Variants in NSD3 observed in about 807,000 individuals in gnomAD.
NSD3 encodes the protein nuclear receptor binding SET domain protein 3.
In NSD3, 24 loss-of-function variants were observed where a neutral mutation model predicts 160.8. The ratio of observed to expected loss-of-function variants is 0.15; its 90% confidence interval spans 0.11 to 0.21. NSD3 has a LOEUF of 0.21. Among genes scored for constraint, NSD3 ranks in the 10% least tolerant of loss-of-function variants. The pLI, the probability that NSD3 is intolerant of heterozygous loss-of-function variation, is 1.00. For synonymous variants in NSD3, 520 were observed against 600.0 expected, an observed-to-expected ratio of 0.87 and a Z score of 1.95; for missense variants, 1,157 against 1,735.9, an observed-to-expected ratio of 0.67 and a Z score of 5.93.
At chr8:38,278,505 C>A in intron 21 of NSD3, 93 bp from the exon 22 acceptor site, 1 of 1,094,272 alleles carries the variant, frequency 9.1e-7, no homozygotes, top group Non-Finnish European at 1.3e-6. Context: ...AAAGAGACAT[C>A]ATTTTGGCAT....
At chr8:38,334,778 C>A (rs1452202804) in intron 4 of NSD3, among the ~76,000 whole-genome samples, 1 of 151,682 alleles carries the variant, frequency 6.6e-6, no homozygotes, top group Non-Finnish European at 1.5e-5. Flanking sequence ...ACAAAAAAAA[C>A]AGGTGAATTT....
At chr8:38,337,198 T>C in intron 4 of NSD3, 107 bp downstream of exon 4, 2 of 1,043,670 alleles carry the variant, frequency 1.9e-6, no homozygotes, top group Non-Finnish European at 1.3e-6. Flanking sequence ...TGCACATTTT[T>C]GTATCAGATT....
chr8:38,376,701 T>C (rs560768397), intron 1 of NSD3, among the ~76,000 whole-genome samples: 1 of 152,260 alleles, frequency 6.6e-6, no homozygotes, highest in Admixed American at 6.5e-5. Flanking sequence ...CCCCGCAAAG[T>C]GCTGGGGTTA....
In NSD3 at chr8:38,317,316, G is replaced by A; in HGVS notation, c.1856-1274C>T. The stretch of plus-strand genomic sequence containing the variant: ...TGTTAATGCTGATTAAAAAACACAA[G>A]TACACAAATCTATCTCCTTCATTGC... On this transcript the variant is annotated intron_variant, in intron 9 of 23. Coordinates refer to ENST00000317025, the MANE Select transcript of NSD3 (RefSeq NM_023034.2). The surrounding 1 kb of genome is among the most constrained non-coding windows in gnomAD (Gnocchi z 5.3). 6.6e-6 allele frequency: 7 copies of A among 1,058,208 alleles called. No individual in the cohort carries two copies. The highest frequency in any genetic ancestry group is 8.0e-6 in the Non-Finnish European group (7 of 874,680). 65.6% of individuals were successfully genotyped at this position (1,058,208 alleles called of 1,614,324 possible).
At chr8:38,338,489 C>T (rs1459898312) in intron 3 of NSD3, 47 bp downstream of exon 3, 1 of 1,477,984 alleles carries the variant, frequency 6.8e-7, no homozygotes, top group Non-Finnish European at 9.5e-7. Context: ...TGTGTTTCAC[C>T]TTCTTCCACC....
At chr8:38,320,799 CAGAA>C (rs891557922) in intron 8 of NSD3, 1 of 273,758 alleles carries the variant, frequency 3.7e-6, no homozygotes, top group Non-Finnish European at 6.7e-6. Context: ...CTGCTGATAA[CAGAA>C]ACTTCTAAAT....
At chr8:38,369,182 TAG>T (rs1811178079) in intron 1 of NSD3, among the ~76,000 whole-genome samples, 1 of 126,360 alleles carries the variant, frequency 7.9e-6, no homozygotes, top group Non-Finnish European at 1.9e-5. Flanking sequence ...GTTCAACATG[TAG>T]TATTTTAGTA....
chr8:38,329,632 AGAG>A lies in NSD3; in HGVS notation c.1324_1326del (p.Leu442del). 3 of 1,614,206 alleles carry A rather than the reference AGAG, an allele frequency of 1.9e-6. No homozygotes were observed. Among genetic ancestry groups the A allele is most frequent in the Non-Finnish European group, 1.7e-6 (2 of 1,180,034 alleles). On this transcript the variant is annotated inframe_deletion, in exon 6 of 24. Coordinates refer to ENST00000317025, the MANE Select transcript of NSD3 (RefSeq NM_023034.2). The surrounding 1 kb of genome is among the most constrained non-coding windows in gnomAD (Gnocchi z 4.8). Reference sequence around the variant, plus strand: ...CTATGTCTCCGAATTTCAGTACTTGAGAGTGAGGAGGCCACCTCCCCTGCATTG... The same window carrying A: ...CTATGTCTCCGAATTTCAGTACTTGATGAGGAGGCCACCTCCCCTGCATTG...
At position 38,315,461 on chromosome 8, in the gene NSD3, C is replaced by T. The variant is rs1276308431; in HGVS notation, c.2070G>A (p.Leu690=). 7 of 1,605,204 alleles carry T rather than the reference C, an allele frequency of 4.4e-6. No homozygotes were observed. The highest frequency in any genetic ancestry group is 4.2e-6 in the Non-Finnish European group (5 of 1,177,732). Reference sequence around the variant, plus strand: ...TACTCATTCCAGTGCCTCTTCTCGACAAACTTGAATCCATGGACTGCACAT... The same window carrying T: ...TACTCATTCCAGTGCCTCTTCTCGATAAACTTGAATCCATGGACTGCACAT... ...VSDVQSMDSS[L]SRRGTGMSKK... The change falls in exon 11 of 24, where the codon TTG becomes TTA. Residue 690 remains leucine (L), a synonymous_variant. Transcript: ENST00000317025.
At chr8:38,330,035 C>T in intron 5 of NSD3, 142 bp from the exon 6 acceptor site, 1 of 931,198 alleles carries the variant, frequency 1.1e-6, no homozygotes, top group Admixed American at 2.8e-5. Context: ...GTGGAATGTT[C>T]TATCTCCATA....
At chr8:38,301,739 C>T (rs542797970) in intron 14 of NSD3, among the ~76,000 whole-genome samples, 2 of 152,218 alleles carry the variant, frequency 1.3e-5, no homozygotes, top group Non-Finnish European at 2.9e-5. Context: ...ATTATTTAAT[C>T]TAGGTTTCAG....
intron 19 of NSD3, among the ~76,000 whole-genome samples, chr8:38,286,593 T>C (rs1585855651): frequency 6.6e-6 from 1 of 152,218 alleles, no homozygotes; most frequent in African/African-American, 2.4e-5. Flanking sequence ...TGTGTGGCAA[T>C]AGAAAACTAA....
Position 38,281,597 on chromosome 8 carries a change from T to G in NSD3, c.3502-14A>C, listed in dbSNP as rs2130985006. ...TACAAATTCACCCTGGAGATAAATG[T>G]GCAATATGTAACTTAAAATCAGTGT... On this transcript the variant is annotated splice_polypyrimidine_tract_variant and intron_variant, in intron 19 of 23. Coordinates refer to ENST00000317025, the MANE Select transcript of NSD3 (RefSeq NM_023034.2). The G allele has an allele frequency of 6.4e-7, 1 of 1,551,796 alleles. No homozygotes were observed. The highest frequency in any genetic ancestry group is 1.4e-5 in the African/African-American group (1 of 73,002).
At chr8:38,372,457 T>C (rs369515722) in intron 1 of NSD3, among the ~76,000 whole-genome samples, 1 of 151,764 alleles carries the variant, frequency 6.6e-6, no homozygotes, top group East Asian at 1.9e-4. Flanking sequence ...TCAGTTTTTA[T>C]ATTCGTTGAA....
In NSD3 at chr8:38,317,600, C is replaced by A; in HGVS notation, c.1855+1295G>T. On this transcript the variant is annotated intron_variant, in intron 9 of 23. Coordinates refer to ENST00000317025, the MANE Select transcript of NSD3 (RefSeq NM_023034.2). The surrounding 1 kb of genome is among the most constrained non-coding windows in gnomAD (Gnocchi z 5.3). Reference sequence around the variant, plus strand: ...GAACTTTTAATGATTGTAATGTATACAGTTTGGGCTGTTTGGCAAACCCCT... The same window carrying A: ...GAACTTTTAATGATTGTAATGTATAAAGTTTGGGCTGTTTGGCAAACCCCT... 1 of 1,112,736 alleles carries A rather than the reference C, an allele frequency of 9.0e-7. No individual in the cohort carries two copies. Among genetic ancestry groups the A allele is most frequent in the Non-Finnish European group, 1.1e-6 (1 of 908,694 alleles). 68.9% of individuals were successfully genotyped at this position (1,112,736 alleles called of 1,614,324 possible). A position where few individuals can be genotyped will look rare whatever the true frequency, so the allele number is the denominator to read the frequency against.
At position 38,377,409 on chromosome 8, in the gene NSD3, C is replaced by G. The variant is rs117006732; in HGVS notation, c.-45+4390G>C. The stretch of plus-strand genomic sequence containing the variant: ...TGTCATTCAGGCTAGAGTGCGGTGG[C>G]GCAATCTCAGCTTACTGCGGCTTTC... On this transcript the variant is annotated intron_variant, in intron 1 of 23. Coordinates refer to ENST00000317025, the MANE Select transcript of NSD3 (RefSeq NM_023034.2). Among the ~76,000 whole-genome samples, 226 of 152,238 alleles carry G rather than the reference C, an allele frequency of 1.5e-3. 4 individuals are homozygous for G. In the East Asian group the frequency reaches 0.039, roughly 26 times the overall value.
intron 22 of NSD3, among the ~76,000 whole-genome samples, chr8:38,277,851 G>A (rs1239599763): frequency 4.0e-5 from 6 of 151,846 alleles, no homozygotes; most frequent in Admixed American, 3.3e-4. Flanking sequence ...CTAAATGTTC[G>A]ATAAGCCCAG....
At chr8:38,325,279 G>A (rs1809881002) in intron 7 of NSD3, among the ~76,000 whole-genome samples, 1 of 152,080 alleles carries the variant, frequency 6.6e-6, no homozygotes, top group African/African-American at 2.4e-5. Flanking sequence ...GGTCAGTGTG[G>A]GAAAACAAAG....
chr8:38,316,550 C>T lies in NSD3; in HGVS notation c.1856-508G>A, dbSNP rs1563352547. ...AATTTTGCAATTCAGTTGATTATTG[C>T]CCCCCAATAAAATTTGGATGTTCAT... On this transcript the variant is annotated intron_variant, in intron 9 of 23. Transcript: ENST00000317025. This position sits in a 1 kb window ranked among gnomAD's most constrained non-coding sequence, Gnocchi z 4.5. 4.8e-6 allele frequency: 5 copies of T among 1,048,642 alleles called. No individual in the cohort carries two copies. The highest frequency in any genetic ancestry group is 4.6e-5 in the South Asian group (1 of 21,892). The allele number at this position is 1,048,642 out of a possible 1,614,324, so 65.0% of individuals were successfully genotyped here.
Sources: allele counts gnomAD v4.1 joint callset (sites outside exome capture counted in the v4.1 genomes callset), GRCh38; gene constraint gnomAD v4.1.1; non-coding constraint Gnocchi (gnomAD v3.1); transcripts MANE v1.5; gene names NCBI Gene and HGNC (gene_info 2026-07-23, HGNC 2026-07-21).